The following FAM114A1 variants were observed in gnomAD, a reference collection of about 807,000 sequenced individuals.
FAM114A1 encodes family with sequence similarity 114 member A1.
FAM114A1 carries 62 observed loss-of-function variants against 64.3 expected under a neutral mutation model. That is an observed-to-expected ratio of 0.96 (90% CI 0.79 to 1.19). FAM114A1 has a LOEUF of 1.19. FAM114A1 is among the 50% of genes most tolerant of loss of function. The pLI is 0.00. For synonymous variants in FAM114A1, 254 were observed against 251.1 expected (o/e 1.01, Z -0.11); for missense variants, 645 against 676.3 (o/e 0.95, Z 0.51).
chr4:38,908,901 AGAG>A (rs1319142274), intron 7 of FAM114A1, among the ~76,000 whole-genome samples, 175 bp downstream of exon 7: 1 of 152,202 alleles, frequency 6.6e-6, no homozygotes, highest in Non-Finnish European at 1.5e-5. Context: ...TTAATTCCTC[AGAG>A]GAGACAACCA....
rs773272688 is a variant in FAM114A1 at position 38,943,514 on chromosome 4, A to C, written c.1649A>C (p.Gln550Pro). 6.2e-7 allele frequency: 1 copy of C among 1,613,970 alleles called. No homozygotes were observed. The highest frequency in any genetic ancestry group is 8.5e-7 in the Non-Finnish European group (1 of 1,179,968). Reference protein sequence around the residue: ...DAFQLLLPVLQVSHIQTSCLK... With the variant: ...DAFQLLLPVLPVSHIQTSCLK... ...TTCCAGCTGCTGCTGCCTGTTCTGC[A>C]GGTCTCACATATCCAGACCAGTTGT... The change falls in exon 15 of 15, where the codon CAG (glutamine) becomes CCG (proline). Residue 550 changes from glutamine to proline, a missense_variant. Coordinates refer to ENST00000358869, the MANE Select transcript of FAM114A1 (RefSeq NM_138389.4).
intron 7 of FAM114A1, 105 bp from the exon 8 acceptor site, chr4:38,914,816 C>G (rs1718877777): frequency 1.6e-6 from 2 of 1,263,624 alleles, no homozygotes; most frequent in East Asian, 5.0e-5. Flanking sequence ...CAGAATCTCC[C>G]CCTCTCCAAC....
chr4:38,925,241 A>G (rs560562430), intron 9 of FAM114A1, among the ~76,000 whole-genome samples: 1 of 152,368 alleles, frequency 6.6e-6, no homozygotes, highest in Non-Finnish European at 1.5e-5. Context: ...GGGCATCTCC[A>G]GATTTTCAAA....
At chr4:38,894,687 T>C (rs1242004209) in intron 4 of FAM114A1, among the ~76,000 whole-genome samples, 1 of 152,150 alleles carries the variant, frequency 6.6e-6, no homozygotes, top group African/African-American at 2.4e-5. Flanking sequence ...GCCACTTTTC[T>C]TCTAGGGTGA....
At position 38,944,651 on chromosome 4, in the gene FAM114A1, C is replaced by T. The variant is rs190469440; in HGVS notation, c.*1094C>T. 1.3e-5 allele frequency: 2 copies of T among 152,304 alleles called. No homozygotes were observed. Among genetic ancestry groups the T allele is most frequent in the East Asian group, 3.9e-4 (2 of 5,174 alleles). 9.4% of individuals were successfully genotyped at this position (152,304 alleles called of 1,614,324 possible). ...TTGCATTACTGCCTGAGCTCTGCCT[C>T]CCGTCAGGTCAGCAGCAGCATTAGA... is the stretch of plus-strand genomic sequence containing the variant. On this transcript the variant is annotated 3_prime_UTR_variant, in exon 15 of 15. Coordinates refer to ENST00000358869, the MANE Select transcript of FAM114A1 (RefSeq NM_138389.4).
chr4:38,940,823 G>T, intron 13 of FAM114A1, 145 bp from the exon 14 acceptor site: 1 of 777,028 alleles, frequency 1.3e-6, no homozygotes, highest in Non-Finnish European at 2.1e-6. Context: ...CAGCGGGTAT[G>T]AAGCCTGGTC....
In FAM114A1 at chr4:38,891,180, G is replaced by A. The variant is rs117081221; in HGVS notation, c.349-563G>A. ...CCCTGTGTTATAGGAGTCACTATGA[G>A]TGAAGCAGGGCACCTTGAATCAAAG... is the stretch of plus-strand genomic sequence containing the variant. On this transcript the variant is annotated intron_variant, in intron 3 of 14. Coordinates refer to ENST00000358869, the MANE Select transcript of FAM114A1 (RefSeq NM_138389.4). Among the ~76,000 whole-genome samples, 102 of 152,320 alleles carry A rather than the reference G, an allele frequency of 6.7e-4. 1 individual carries two copies. The East Asian group carries it at 0.018, about 27-fold the overall frequency.
intron 7 of FAM114A1, among the ~76,000 whole-genome samples, chr4:38,914,103 A>AAAAAT (rs963343490): frequency 1.3e-5 from 2 of 152,086 alleles, no homozygotes; most frequent in African/African-American, 4.8e-5. Flanking sequence ...TCCATCTCAA[A>AAAAAT]AAAATAAAAT....
In FAM114A1 at chr4:38,869,904, T is replaced by C. The variant is rs114496471; in HGVS notation, c.-9+1358T>C. On this transcript the variant is annotated intron_variant, in intron 2 of 14. Transcript: ENST00000358869. ...AAACTTGAAAGATGAAGGCAGTCCT[T>C]TACATTTAATAAATTTAGATTTATG... Among the ~76,000 whole-genome samples the C allele has an allele frequency of 1.5e-3, 236 of 152,286 alleles. 1 individual carries two copies. Among genetic ancestry groups the C allele is most frequent in the African/African-American group, 5.1e-3 (212 of 41,556 alleles).
At chr4:38,917,716 C>G (rs1719207951) in intron 8 of FAM114A1, among the ~76,000 whole-genome samples, 1 of 152,144 alleles carries the variant, frequency 6.6e-6, no homozygotes, top group Non-Finnish European at 1.5e-5. Context: ...CAGCTCTCAG[C>G]TGTGAAACAG....
At chr4:38,894,369 C>T (rs112335437) in intron 4 of FAM114A1, among the ~76,000 whole-genome samples, 11 of 152,242 alleles carry the variant, frequency 7.2e-5, no homozygotes, top group African/African-American at 2.2e-4. Flanking sequence ...TGATGGTTCG[C>T]ATCTGGCTCT....
intron 12 of FAM114A1, among the ~76,000 whole-genome samples, chr4:38,933,760 A>G (rs1214396046): frequency 6.6e-6 from 1 of 152,212 alleles, no homozygotes; most frequent in African/African-American, 2.4e-5. Context: ...GTATTATTAG[A>G]CAGACACAGG....
chr4:38,877,690 C>T (rs1034376982), intron 2 of FAM114A1, among the ~76,000 whole-genome samples: 3 of 152,262 alleles, frequency 2.0e-5, no homozygotes, highest in South Asian at 2.1e-4. Context: ...CCTGGCCGGG[C>T]GCGGTGGCTC....
intron 4 of FAM114A1, among the ~76,000 whole-genome samples, chr4:38,895,100 TAA>T (rs1013178326): frequency 6.6e-6 from 1 of 152,140 alleles, no homozygotes; most frequent in African/African-American, 2.4e-5. Context: ...CCCATAACTT[TAA>T]AGTCTCTGGA....
At chr4:38,897,727 G>T (rs777759284) in intron 4 of FAM114A1, among the ~76,000 whole-genome samples, 1 of 151,964 alleles carries the variant, frequency 6.6e-6, no homozygotes, top group Admixed American at 6.6e-5. Context: ...TCAACTTGAG[G>T]TCAGGAGTTC....
chr4:38,886,784 C>T (rs930199384), intron 3 of FAM114A1, among the ~76,000 whole-genome samples: 11 of 151,632 alleles, frequency 7.3e-5, no homozygotes, highest in African/African-American at 2.2e-4. Flanking sequence ...AAAAATTAGC[C>T]GGGCATGGTG....
At chr4:38,926,072 C>T (rs1176495220) in intron 9 of FAM114A1, among the ~76,000 whole-genome samples, 3 of 152,198 alleles carry the variant, frequency 2.0e-5, no homozygotes, top group Admixed American at 2.0e-4. Context: ...AACACTTTCA[C>T]GTTTGTTGCA....
At chr4:38,877,601 G>T (rs1579292026) in intron 2 of FAM114A1, among the ~76,000 whole-genome samples, 2 of 152,154 alleles carry the variant, frequency 1.3e-5, no homozygotes, top group East Asian at 3.9e-4. Context: ...TTCCTAACAG[G>T]CCATGGACTG....
chr4:38,869,798 A>T (rs560009864), intron 2 of FAM114A1, among the ~76,000 whole-genome samples: 332 of 151,674 alleles, frequency 2.2e-3, no homozygotes, highest in African/African-American at 7.5e-3. Flanking sequence ...AAGTCAGGCC[A>T]TTTTTTTTAA....
Sources: allele counts gnomAD v4.1 joint callset (sites outside exome capture counted in the v4.1 genomes callset), GRCh38; gene constraint gnomAD v4.1.1; transcripts MANE v1.5; gene names NCBI Gene and HGNC (gene_info 2026-07-23, HGNC 2026-07-21).